The following MAP2K1 variants were observed in gnomAD, a reference collection of about 807,000 sequenced individuals.
MAP2K1 encodes the protein dual specificity mitogen-activated protein kinase kinase 1.
In MAP2K1, 16 loss-of-function variants were observed where a neutral mutation model predicts 46.3. The observed-to-expected ratio is 0.35, with a 90% confidence interval of 0.23 to 0.52. MAP2K1 has a LOEUF of 0.52. Among genes scored for constraint, MAP2K1 ranks in the 20% least tolerant of loss-of-function variants. MAP2K1 has a pLI of 0.94. For missense variants in MAP2K1, 263 were observed against 497.1 expected, an observed-to-expected ratio of 0.53 and a Z score of 4.48; for synonymous variants, 183 against 185.6, an observed-to-expected ratio of 0.99 and a Z score of 0.11.
intron 1 of MAP2K1, among the ~76,000 whole-genome samples, chr15:66,419,692 C>G (rs565284949): frequency 6.6e-6 from 1 of 152,130 alleles, no homozygotes; most frequent in East Asian, 1.9e-4. Flanking sequence ...CCTCATGACT[C>G]CAGAGGCTCC....
intron 5 of MAP2K1, among the ~76,000 whole-genome samples, chr15:66,472,026 G>A (rs1403095928): frequency 1.4e-5 from 2 of 138,212 alleles, no homozygotes; most frequent in African/African-American, 2.8e-5. Context: ...GCAGTGAGCT[G>A]AGATCGCGCC....
chr15:66,489,821 T>G (rs1378473691), intron 10 of MAP2K1, 58 bp downstream of exon 10: 3 of 1,420,656 alleles, frequency 2.1e-6, no homozygotes, highest in Non-Finnish European at 3.0e-6. Context: ...TTCTTCTCTG[T>G]CAGTCATCTG....
intron 1 of MAP2K1, among the ~76,000 whole-genome samples, chr15:66,408,389 C>T (rs902314000): frequency 6.6e-6 from 1 of 152,152 alleles, no homozygotes; most frequent in Non-Finnish European, 1.5e-5. Flanking sequence ...GCAAAAGGTG[C>T]CTTAGGAAAC....
At chr15:66,395,043 T>A (rs2093364357) in intron 1 of MAP2K1, among the ~76,000 whole-genome samples, 1 of 152,220 alleles carries the variant, frequency 6.6e-6, no homozygotes, top group Non-Finnish European at 1.5e-5. Flanking sequence ...CACTTATTTA[T>A]GCACCTTTCA....
At chr15:66,420,512 T>C (rs905533238) in intron 1 of MAP2K1, among the ~76,000 whole-genome samples, 3 of 147,530 alleles carry the variant, frequency 2.0e-5, no homozygotes, top group Admixed American at 2.0e-4. Flanking sequence ...GTGACTGCAC[T>C]GCTGCACTCC....
intron 3 of MAP2K1, among the ~76,000 whole-genome samples, chr15:66,437,586 G>A (rs986848485): frequency 3.9e-5 from 6 of 152,300 alleles, no homozygotes; most frequent in African/African-American, 1.2e-4. Context: ...CCAGTATTGT[G>A]TCTCTCAGCT....
chr15:66,395,945 GT>G (rs2093366516), intron 1 of MAP2K1, among the ~76,000 whole-genome samples: 2 of 152,134 alleles, frequency 1.3e-5, no homozygotes, highest in East Asian at 3.9e-4. Context: ...ATTGTCTTGT[GT>G]ACTGGTATTT....
chr15:66,456,788 C>T (rs1892176715), intron 5 of MAP2K1, among the ~76,000 whole-genome samples: 1 of 152,210 alleles, frequency 6.6e-6, no homozygotes, highest in African/African-American at 2.4e-5. Context: ...GATGGCGCCT[C>T]TTGATGAACA....
chr15:66,409,018 A>AT, intron 1 of MAP2K1, among the ~76,000 whole-genome samples: 1 of 152,212 alleles, frequency 6.6e-6, no homozygotes, highest in East Asian at 1.9e-4. Flanking sequence ...ATGAGGGGTG[A>AT]TTCTTTTCAG....
Position 66,490,556 on chromosome 15 carries a change from C to T in MAP2K1, c.1123C>T (p.Leu375Phe), listed in dbSNP as rs752538915. The T allele has an allele frequency of 3.1e-6, 5 of 1,614,066 alleles. No homozygotes were observed. The highest frequency in any genetic ancestry group is 4.2e-6 in the Non-Finnish European group (5 of 1,180,044). The change falls in exon 11 of 11, where the codon CTC (leucine) becomes TTC (phenylalanine). Residue 375 changes from leucine (L) to phenylalanine (F), a missense_variant. By Grantham distance (22) the Leu-to-Phe change is conservative. This residue lies in a region of MAP2K1 where 118 missense variants were observed against 193.0 expected (regional missense o/e 0.61). Transcript: ENST00000307102. ...TGAGGAAGTGGATTTTGCAGGTTGGCTCTGCTCCACCATCGGCCTTAACCA... is the reference window on the plus strand; with the variant it reads ...TGAGGAAGTGGATTTTGCAGGTTGGTTCTGCTCCACCATCGGCCTTAACCA... The part of the protein sequence containing the change: ...DAEEVDFAGW[L>F]CSTIGLNQPS...
chr15:66,435,244 T>C lies in MAP2K1; in HGVS notation c.291+7T>C. 1.2e-6 allele frequency: 2 copies of C among 1,612,094 alleles called. No homozygotes were observed. The highest frequency in any genetic ancestry group is 1.7e-6 in the Non-Finnish European group (2 of 1,178,302). On this transcript the variant is annotated splice_region_variant and intron_variant, in intron 2 of 10. Transcript: ENST00000307102. ...CCTGGTCATGGCCAGAAAGGTGAGT[T>C]TGCCTTGATTAACAGGTAATTGGAT...
At chr15:66,437,774 A>G (rs2093492296) in intron 3 of MAP2K1, among the ~76,000 whole-genome samples, 1 of 152,214 alleles carries the variant, frequency 6.6e-6, no homozygotes, top group Non-Finnish European at 1.5e-5. Context: ...CCACTGTTAT[A>G]GGCATCTGCT....
intron 5 of MAP2K1, among the ~76,000 whole-genome samples, chr15:66,461,520 A>T (rs958954704): frequency 2.0e-5 from 3 of 147,092 alleles, no homozygotes; most frequent in Admixed American, 1.4e-4. Context: ...AAATAATAAA[A>T]TAATAATAGA....
chr15:66,464,299 A>G (rs1172414509), intron 5 of MAP2K1, among the ~76,000 whole-genome samples: 1 of 152,090 alleles, frequency 6.6e-6, no homozygotes, highest in Non-Finnish European at 1.5e-5. Flanking sequence ...AGAAAGGGAG[A>G]AAAACTACAA....
intron 5 of MAP2K1, among the ~76,000 whole-genome samples, chr15:66,470,094 G>GTTTTTTTTTTTTTTTTTTTTTTT (rs55637393): frequency 1.3e-5 from 1 of 76,600 alleles, no homozygotes; most frequent in Non-Finnish European, 2.4e-5. Flanking sequence ...TTTTTTTCTT[G>GTTTTTTTTTTTTTTTTTTTTTTT]TTTTTTTTTT....
chr15:66,423,753 A>G (rs368467912), intron 1 of MAP2K1, among the ~76,000 whole-genome samples: 1 of 38,704 alleles, frequency 2.6e-5, no homozygotes, highest in Non-Finnish European at 9.8e-5. Flanking sequence ...GATTACAGGC[A>G]TGCACCACCA....
At chr15:66,438,473 G>T (rs2093494845) in intron 3 of MAP2K1, among the ~76,000 whole-genome samples, 1 of 152,128 alleles carries the variant, frequency 6.6e-6, no homozygotes, top group Non-Finnish European at 1.5e-5. Context: ...ATGCTAGGTG[G>T]CATCCTTATT....
At chr15:66,434,184 G>A (rs984790674) in intron 1 of MAP2K1, among the ~76,000 whole-genome samples, 2 of 152,166 alleles carry the variant, frequency 1.3e-5, no homozygotes, top group African/African-American at 2.4e-5. Flanking sequence ...AGACTTATAA[G>A]TCCAAGTCAC....
Position 66,458,309 on chromosome 15 carries a change from G to A in MAP2K1, c.568+13602G>A, listed in dbSNP as rs561701614. Among the ~76,000 whole-genome samples the A allele has an allele frequency of 3.0e-4, 45 of 152,264 alleles. No individual in the cohort carries two copies. In the South Asian group the frequency reaches 8.1e-3, roughly 27 times the overall value. ...ATTTTGACTAAGACCCTGAAAAAGC[G>A]TTGCATGATTTAGATCAATACGCAG... is the stretch of plus-strand genomic sequence containing the variant. On this transcript the variant is annotated intron_variant, in intron 5 of 10. Transcript: ENST00000307102.
Sources: allele counts gnomAD v4.1 joint callset (sites outside exome capture counted in the v4.1 genomes callset), GRCh38; gene constraint gnomAD v4.1.1; regional missense constraint gnomAD v4.1.1; transcripts MANE v1.5; gene names NCBI Gene and HGNC (gene_info 2026-07-23, HGNC 2026-07-21).